SLC4A4: variants seen among roughly 807,000 people sequenced by gnomAD.
The protein encoded by SLC4A4 is electrogenic sodium bicarbonate cotransporter 1.
SLC4A4 carries 27 observed loss-of-function variants against 111.5 expected under a neutral mutation model. The observed-to-expected ratio is 0.24, with a 90% CI of 0.18 to 0.33. The LOEUF (loss-of-function observed/expected upper bound fraction) is 0.33. Ranked by LOEUF, SLC4A4 falls within the 10% of genes least tolerant of loss-of-function variation. The pLI is 1.00. For synonymous variants in SLC4A4, 443 were observed against 463.4 expected, an observed-to-expected ratio of 0.96 and a Z score of 0.57; for missense variants, 909 against 1,315.5, an observed-to-expected ratio of 0.69 and a Z score of 4.78.
Position 71,294,220 on chromosome 4 carries a change from G to C in SLC4A4, c.253+38821G>C, listed in dbSNP as rs1724601049. On this transcript the variant is annotated intron_variant, in intron 3 of 25. Coordinates refer to ENST00000264485, the MANE Select transcript of SLC4A4 (RefSeq NM_001098484.3). The stretch of plus-strand genomic sequence containing the variant: ...TTTAAGGGAGAAGCACATTCTCCCA[G>C]TTAAGAAAGGTGTCTTCTGTGAAGC... 1.3e-5 allele frequency among the ~76,000 whole-genome samples: 2 copies of C among 152,214 alleles called. 1 individual carries two copies. Among genetic ancestry groups the C allele is most frequent in the South Asian group, 4.1e-4 (2 of 4,826 alleles).
chr4:71,136,768 T>A (rs993208796), intron 2 of SLC4A4, among the ~76,000 whole-genome samples: 9 of 152,200 alleles, frequency 5.9e-5, no homozygotes, highest in Non-Finnish European at 8.8e-5. Context: ...AATGAGATGA[T>A]GAGTCTGGCA....
intron 2 of SLC4A4, among the ~76,000 whole-genome samples, chr4:71,102,943 A>G (rs1187846507): frequency 3.3e-5 from 5 of 150,052 alleles, no homozygotes; most frequent in Admixed American, 6.6e-5. Flanking sequence ...ATGTAAATGG[A>G]CTAAATGCTC....
intron 14 of SLC4A4, among the ~76,000 whole-genome samples, chr4:71,480,042 G>A (rs1463548673): frequency 1.3e-4 from 17 of 133,630 alleles, no homozygotes; most frequent in Middle Eastern, 4.0e-3. Context: ...TTTTTTTTGA[G>A]GTGGGGTCTT....
In SLC4A4 at chr4:71,075,348, G is replaced by A. The variant is rs1202182535; in HGVS notation, c.-65+12560G>A. 3.3e-5 allele frequency among the ~76,000 whole-genome samples: 5 copies of A among 152,148 alleles called. No homozygotes were observed. In the East Asian group the frequency reaches 7.7e-4, roughly 23 times the overall value. On this transcript the variant is annotated intron_variant, in intron 1 of 26. Coordinates refer to the SLC4A4 transcript ENST00000649996. Reference sequence around the variant, plus strand: ...TCCATTTCATCCCAGATGGACATAAGGGACTGTCTTTTTCAGTGAGGCAAA... The same window carrying A: ...TCCATTTCATCCCAGATGGACATAAAGGACTGTCTTTTTCAGTGAGGCAAA...
At chr4:71,454,087 A>G (rs1473700324) in intron 12 of SLC4A4, among the ~76,000 whole-genome samples, 1 of 152,198 alleles carries the variant, frequency 6.6e-6, no homozygotes, top group Non-Finnish European at 1.5e-5. Flanking sequence ...AATAGCTTCC[A>G]ACCATTGAGC....
At chr4:71,471,919 G>A (rs1200203527) in intron 13 of SLC4A4, among the ~76,000 whole-genome samples, 1 of 151,900 alleles carries the variant, frequency 6.6e-6, no homozygotes, top group Non-Finnish European at 1.5e-5. Flanking sequence ...TCAGATCTGT[G>A]AGCAAGCTTC....
chr4:71,309,413 C>G (rs1442064998), intron 3 of SLC4A4, among the ~76,000 whole-genome samples: 1 of 152,162 alleles, frequency 6.6e-6, no homozygotes, highest in African/African-American at 2.4e-5. Flanking sequence ...GGGTCCCTGA[C>G]CTGCATGCCT....
intron 3 of SLC4A4, among the ~76,000 whole-genome samples, chr4:71,262,962 A>C (rs1721972809): frequency 1.3e-5 from 2 of 151,256 alleles, no homozygotes; most frequent in African/African-American, 4.9e-5. Context: ...TGCTGCACCC[A>C]TTAACTCATC....
intron 3 of SLC4A4, among the ~76,000 whole-genome samples, chr4:71,295,182 G>A (rs1724685024): frequency 6.6e-6 from 1 of 152,192 alleles, no homozygotes; most frequent in Non-Finnish European, 1.5e-5. Context: ...GAACATCATG[G>A]TTGTAGATGT....
chr4:71,252,060 A>G (rs1721104129), intron 2 of SLC4A4, among the ~76,000 whole-genome samples: 1 of 152,210 alleles, frequency 6.6e-6, no homozygotes. Context: ...AATAGTCATC[A>G]GTCTTCATGA....
intron 7 of SLC4A4, among the ~76,000 whole-genome samples, chr4:71,421,700 C>T (rs978006714): frequency 6.6e-6 from 1 of 152,180 alleles, no homozygotes; most frequent in Admixed American, 6.5e-5. Context: ...AACCCCTCAA[C>T]TTCATGGAAA....
intron 20 of SLC4A4, among the ~76,000 whole-genome samples, chr4:71,550,152 A>C (rs1042832631): frequency 6.6e-6 from 1 of 151,990 alleles, no homozygotes; most frequent in Non-Finnish European, 1.5e-5. Context: ...GGTTTTCCCC[A>C]AAATGTGGGA....
intron 16 of SLC4A4, among the ~76,000 whole-genome samples, chr4:71,518,558 T>C (rs1732624849): frequency 6.6e-6 from 1 of 151,872 alleles, no homozygotes; most frequent in South Asian, 2.1e-4. Context: ...CAGGGGCTGA[T>C]GTGATGCTGG....
intron 6 of SLC4A4, among the ~76,000 whole-genome samples, chr4:71,393,855 C>T (rs1483074638): frequency 2.0e-5 from 3 of 151,926 alleles, no homozygotes; most frequent in African/African-American, 4.8e-5. Flanking sequence ...CAGAAATAAA[C>T]CCAAATACTT....
upstream of SLC4A4, among the ~76,000 whole-genome samples, chr4:71,184,294 G>A (rs1745386693): frequency 6.6e-6 from 1 of 152,154 alleles, no homozygotes; most frequent in Admixed American, 6.6e-5. Flanking sequence ...AGAATGTCAT[G>A]CCTATAAGCG....
intron 18 of SLC4A4, among the ~76,000 whole-genome samples, chr4:71,536,467 T>C (rs1394096560): frequency 1.5e-5 from 1 of 66,498 alleles, no homozygotes; most frequent in African/African-American, 4.5e-5. Flanking sequence ...CATATATACA[T>C]ATATATATAT....
intron 3 of SLC4A4, among the ~76,000 whole-genome samples, chr4:71,313,618 C>T (rs533411906): frequency 1.2e-4 from 18 of 152,258 alleles, no homozygotes; most frequent in South Asian, 4.1e-4. Flanking sequence ...AATAACACCA[C>T]GTATCTACAG....
At chr4:71,228,515 TGG>T (rs755989865) in intron 1 of SLC4A4, among the ~76,000 whole-genome samples, 4 of 152,162 alleles carry the variant, frequency 2.6e-5, no homozygotes, top group Non-Finnish European at 5.9e-5. Flanking sequence ...ACTTCTGAAG[TGG>T]TATAAGCTCA....
chr4:71,525,083 G>T (rs1430032655), intron 16 of SLC4A4, among the ~76,000 whole-genome samples: 1 of 152,072 alleles, frequency 6.6e-6, no homozygotes. Context: ...GTGTCTCTAT[G>T]ATTGTGACTC....
Sources: gnomAD v4.1 joint callset for allele counts (sites outside exome capture counted in the v4.1 genomes callset) on GRCh38, gnomAD v4.1.1 for gene constraint, MANE v1.5 for transcripts, NCBI Gene and HGNC (gene_info 2026-07-23, HGNC 2026-07-21) for gene names.